The following FER variants were observed in gnomAD, a reference collection of about 807,000 sequenced individuals.
FER encodes tyrosine-protein kinase Fer.
In FER, 63 loss-of-function variants were observed where a neutral mutation model predicts 111.0. That is an observed-to-expected ratio of 0.57 (90% CI 0.46 to 0.70). The LOEUF (loss-of-function observed/expected upper bound fraction) is 0.70. Ranked by LOEUF, FER falls within the 30% of genes least tolerant of loss-of-function variation. The pLI is 0.00. For synonymous variants in FER, 327 were observed against 313.9 expected, an observed-to-expected ratio of 1.04 and a Z score of -0.44; for missense variants, 914 against 954.0, an observed-to-expected ratio of 0.96 and a Z score of 0.55.
chr5:108,896,574 C>T (rs757257302), intron 9 of FER, among the ~76,000 whole-genome samples: 5 of 152,164 alleles, frequency 3.3e-5, no homozygotes, highest in Non-Finnish European at 7.4e-5. Context: ...TTTGTTAGGA[C>T]ACTCACCTGA....
chr5:109,082,619 C>A (rs1434177625), intron 16 of FER, among the ~76,000 whole-genome samples: 2 of 144,732 alleles, frequency 1.4e-5, no homozygotes, highest in African/African-American at 5.1e-5. Flanking sequence ...GAGAGTTTTA[C>A]CTCTTAGAGA....
chr5:108,847,112 T>G (rs763044227), intron 5 of FER, among the ~76,000 whole-genome samples: 1 of 151,696 alleles, frequency 6.6e-6, no homozygotes, highest in Non-Finnish European at 1.5e-5. Flanking sequence ...AGAACCATCT[T>G]CTTTTCAAAT....
chr5:108,984,032 C>T (rs902957257), intron 13 of FER, among the ~76,000 whole-genome samples: 2 of 152,114 alleles, frequency 1.3e-5, no homozygotes, highest in African/African-American at 4.8e-5. Context: ...ACAAAACAGA[C>T]ACGGTGCCTA....
At chr5:109,128,277 G>T (rs1248101700) in intron 17 of FER, among the ~76,000 whole-genome samples, 2 of 151,532 alleles carry the variant, frequency 1.3e-5, no homozygotes, top group African/African-American at 4.9e-5. Context: ...TCTTAATCAT[G>T]AAATAGTATT....
Position 109,187,506 on chromosome 5 carries a change from A to G in FER, c.2400A>G (p.Lys800=), listed in dbSNP as rs1234710911. The part of the protein sequence containing the change: ...SKIMMKCWDY[K]PENRPKFSEL... ...TCATGATGAAGTGTTGGGATTATAA[A>G]CCTGAAAATCGCCCTAAGTTCAGTG... The change falls in exon 20 of 20, where the codon AAA becomes AAG. Residue 800 remains lysine, a synonymous_variant. Transcript: ENST00000281092. The G allele has an allele frequency of 6.2e-7, 1 of 1,614,052 alleles. No individual in the cohort carries two copies. The highest frequency in any genetic ancestry group is 1.1e-5 in the South Asian group (1 of 91,072).
At chr5:109,109,909 C>T (rs1012127402) in intron 17 of FER, among the ~76,000 whole-genome samples, 7 of 152,106 alleles carry the variant, frequency 4.6e-5, no homozygotes, top group African/African-American at 1.4e-4. Flanking sequence ...TGTACTTATA[C>T]ATCTATGTAG....
At chr5:109,011,993 C>A (rs755208841) in intron 13 of FER, among the ~76,000 whole-genome samples, 12 of 152,180 alleles carry the variant, frequency 7.9e-5, no homozygotes, top group Non-Finnish European at 1.5e-4. Flanking sequence ...TTGTGCTTCC[C>A]TTTTCTCCCC....
chr5:108,911,844 A>G (rs941397064), intron 10 of FER, among the ~76,000 whole-genome samples: 1 of 152,110 alleles, frequency 6.6e-6, no homozygotes, highest in Non-Finnish European at 1.5e-5. Flanking sequence ...TACAAGTATC[A>G]TGCAGTTTTA....
intron 16 of FER, among the ~76,000 whole-genome samples, chr5:109,058,932 G>T (rs114227777): frequency 6.6e-6 from 1 of 150,592 alleles, no homozygotes; most frequent in Non-Finnish European, 1.5e-5. Context: ...CAAAAACAGG[G>T]TTTCACCATG....
At chr5:108,835,152 G>T (rs1760479201) in intron 4 of FER, among the ~76,000 whole-genome samples, 1 of 131,902 alleles carries the variant, frequency 7.6e-6, no homozygotes, top group African/African-American at 3.0e-5. Flanking sequence ...TTAAATTTTA[G>T]ATAATGGCAG....
At chr5:108,992,917 A>G (rs1461133036) in intron 13 of FER, among the ~76,000 whole-genome samples, 2 of 140,108 alleles carry the variant, frequency 1.4e-5, no homozygotes, top group Non-Finnish European at 3.0e-5. Context: ...CGGGGCAGAG[A>G]CGCTTCCCAC....
rs1759531598 is a variant in FER, at chr5:109,193,645, G to A, written c.*6070G>A. On this transcript the variant is annotated 3_prime_UTR_variant, in exon 20 of 20. Transcript: ENST00000281092. ...TTTTCTTGAACATCTGCCACATGAGGTGCAGAGAATACTACCAGGTGCTAG... is the reference window on the plus strand; with the variant it reads ...TTTTCTTGAACATCTGCCACATGAGATGCAGAGAATACTACCAGGTGCTAG... The A allele has an allele frequency of 1.3e-5, 2 of 152,120 alleles. No individual in the cohort carries two copies. The highest frequency in any genetic ancestry group is 6.5e-5 in the Admixed American group (1 of 15,268). The allele number at this position is 152,120 out of a possible 1,614,324, so 9.4% of individuals were successfully genotyped here. A position where few individuals can be genotyped will look rare whatever the true frequency, so the allele number is the denominator to read the frequency against.
At position 109,053,609 on chromosome 5, in the gene FER, C is replaced by T. The variant is rs74620854; in HGVS notation, c.1924+6411C>T. Among the ~76,000 whole-genome samples, 138 of 151,706 alleles carry T rather than the reference C, an allele frequency of 9.1e-4. 2 individuals are homozygous for T. The East Asian group carries it at 0.023, about 26-fold the overall frequency. ...ATCATGCAGTAAGCACTTTTTTTTC[C>T]ACTAAGTATAATTATTTTAAGATTA... On this transcript the variant is annotated intron_variant, in intron 16 of 19. Transcript: ENST00000281092.
At chr5:108,789,080 T>G (rs1319355340) in intron 2 of FER, among the ~76,000 whole-genome samples, 1 of 152,248 alleles carries the variant, frequency 6.6e-6, no homozygotes, top group Non-Finnish European at 1.5e-5. Context: ...TATTGAACGA[T>G]AACATACACA....
At chr5:108,888,449 A>T (rs1371838589) in intron 9 of FER, among the ~76,000 whole-genome samples, 1 of 151,914 alleles carries the variant, frequency 6.6e-6, no homozygotes, top group African/African-American at 2.4e-5. Flanking sequence ...AGGAACAGCT[A>T]CTTAAGAAGT....
At position 108,992,011 on chromosome 5, in the gene FER, G is replaced by A. The variant is rs1470711629; in HGVS notation, c.1656+32664G>A. ...CAAAGGTCTCTGGTTTTCCTAGGCA[G>A]AGGACCCTGCGGCCTTCCGCAGTGT... On this transcript the variant is annotated intron_variant, in intron 13 of 19. Transcript: ENST00000281092. 2.0e-5 allele frequency among the ~76,000 whole-genome samples: 3 copies of A among 152,126 alleles called. No individual in the cohort carries two copies. In the East Asian group the frequency reaches 5.8e-4, roughly 29 times the overall value.
intron 10 of FER, among the ~76,000 whole-genome samples, chr5:108,934,840 G>A (rs1755230488): frequency 6.6e-6 from 1 of 152,044 alleles, no homozygotes; most frequent in Non-Finnish European, 1.5e-5. Context: ...GTGGATTTTG[G>A]GGCAAGGTGT....
At chr5:108,871,529 G>A (rs1441922527) in intron 7 of FER, 27 bp downstream of exon 7, 1 of 1,519,070 alleles carries the variant, frequency 6.6e-7, no homozygotes, top group South Asian at 1.3e-5. Context: ...CCTCTTTAAG[G>A]ATTTATGACA....
intron 3 of FER, among the ~76,000 whole-genome samples, chr5:108,799,828 CTT>C (rs1474633797): frequency 2.0e-5 from 3 of 149,150 alleles, no homozygotes; most frequent in Non-Finnish European, 3.0e-5. Context: ...ATTTATCCCT[CTT>C]GTTTTCTTTT....
Sources: gnomAD v4.1 joint callset for allele counts (sites outside exome capture counted in the v4.1 genomes callset) on GRCh38, gnomAD v4.1.1 for gene constraint, MANE v1.5 for transcripts, NCBI Gene and HGNC (gene_info 2026-07-23, HGNC 2026-07-21) for gene names.